PCDH11X: variants seen among roughly 807,000 people sequenced by gnomAD.
The protein encoded by PCDH11X is protocadherin-11 X-linked.
A neutral mutation model predicts 53.3 loss-of-function variants in PCDH11X; 18 were observed. The observed-to-expected ratio is 0.34, with a 90% confidence interval of 0.23 to 0.50. The LOEUF is 0.50. PCDH11X is among the 20% of genes least tolerant of loss of function. PCDH11X has a pLI of 0.98. For synonymous variants in PCDH11X, 279 were observed against 393.3 expected, an observed-to-expected ratio of 0.71 and a Z score of 3.44; for missense variants, 570 against 1,032.4, an observed-to-expected ratio of 0.55 and a Z score of 6.14.
chrX:92,308,099 A>G (rs2148478023), intron 8 of PCDH11X, among the ~76,000 whole-genome samples: 1 of 103,934 alleles, frequency 9.6e-6, no homozygotes, highest in African/African-American at 3.5e-5. Context: ...CTACATATTC[A>G]GTGCAACCCC....
At chrX:91,869,620 G>A in intron 5 of PCDH11X, among the ~76,000 whole-genome samples, 1 of 111,109 alleles carries the variant, frequency 9.0e-6, no homozygotes, top group Admixed American at 9.6e-5. Context: ...GAGCTGATTA[G>A]CAACAATTAG....
intron 8 of PCDH11X, among the ~76,000 whole-genome samples, chrX:92,352,090 T>G (rs1474010692): frequency 1.8e-5 from 2 of 111,733 alleles, no homozygotes; most frequent in Non-Finnish European, 3.8e-5. Flanking sequence ...AACTTTCTAT[T>G]TTACAGAATA....
chrX:92,348,512 A>ATTT lies in PCDH11X; in HGVS notation c.3145-39221_3145-39220insTTT, dbSNP rs1434459311. Among the ~76,000 whole-genome samples the ATTT allele has an allele frequency of 3.9e-3, 79 of 20,212 alleles. 2 individuals are homozygous for ATTT. The highest frequency in any genetic ancestry group is 0.018 in the African/African-American group (64 of 3,479). The allele number at this position is 20,212 out of a possible 115,157, so 17.6% of individuals were successfully genotyped here. On this transcript the variant is annotated intron_variant, in intron 8 of 10. Transcript: ENST00000682573. Reference sequence around the variant, plus strand: ...AGAGAAATCAAACATCAAAATTATCATTATTATTATTATTATTATTATTAT... The same window carrying ATTT: ...AGAGAAATCAAACATCAAAATTATCATTTTTATTATTATTATTATTATTATTAT...
At chrX:91,889,509 C>T (rs945744292) in intron 6 of PCDH11X, among the ~76,000 whole-genome samples, 8 of 111,745 alleles carry the variant, frequency 7.2e-5, no homozygotes, top group Admixed American at 2.9e-4. Flanking sequence ...AACGGGGTTT[C>T]GCCATGCTGA....
At chrX:92,302,652 C>G (rs1035441772) in intron 8 of PCDH11X, among the ~76,000 whole-genome samples, 19 of 109,702 alleles carry the variant, frequency 1.7e-4, no homozygotes, top group African/African-American at 6.3e-4. Context: ...TTGTATGTCA[C>G]ACTGGGAAAT....
intron 6 of PCDH11X, among the ~76,000 whole-genome samples, chrX:92,062,766 A>C (rs1204776406): frequency 1.8e-5 from 2 of 111,533 alleles, no homozygotes; most frequent in African/African-American, 6.5e-5. Flanking sequence ...AATTAGTTCA[A>C]CCGTTGTGGA....
chrX:92,280,412 G>T (rs1026141448), intron 8 of PCDH11X, among the ~76,000 whole-genome samples: 2 of 109,830 alleles, frequency 1.8e-5, no homozygotes, highest in Non-Finnish European at 3.8e-5. Flanking sequence ...GCTGGGCGTG[G>T]TGGTGCGCAT....
chrX:91,991,132 C>T (rs929199227), intron 6 of PCDH11X, among the ~76,000 whole-genome samples: 1 of 107,182 alleles, frequency 9.3e-6, no homozygotes, highest in African/African-American at 3.4e-5. Flanking sequence ...TCTCTGATAT[C>T]AACCTGAAGC....
At chrX:92,113,167 T>A in intron 6 of PCDH11X, 1 of 1,045,262 alleles carries the variant, frequency 9.6e-7, no homozygotes, top group Non-Finnish European at 1.3e-6. Flanking sequence ...CTTGGCTCCC[T>A]TCCTTCCCCT....
At chrX:91,874,365 C>T (rs1337697565) in intron 5 of PCDH11X, among the ~76,000 whole-genome samples, 6 of 110,029 alleles carry the variant, frequency 5.5e-5, no homozygotes, top group East Asian at 5.7e-4. Context: ...AATATAAATA[C>T]GTATAACATG....
chrX:92,259,259 G>A (rs1296718618), intron 7 of PCDH11X, among the ~76,000 whole-genome samples: 1 of 111,043 alleles, frequency 9.0e-6, no homozygotes, highest in Non-Finnish European at 1.9e-5. Flanking sequence ...TTTTCTGCGT[G>A]AGTCCATTCT....
chrX:92,064,134 T>G, intron 6 of PCDH11X, among the ~76,000 whole-genome samples: 1 of 92,890 alleles, frequency 1.1e-5, no homozygotes, highest in African/African-American at 4.0e-5. Context: ...GTGTAGGTGG[T>G]GTGGTGGGGG....
intron 9 of PCDH11X, among the ~76,000 whole-genome samples, chrX:92,431,461 TACTCAC>T (rs1429156148): frequency 9.0e-6 from 1 of 110,665 alleles, no homozygotes; most frequent in African/African-American, 3.3e-5. Context: ...TTGACAAGTT[TACTCAC>T]ACGTATAAGG....
intron 6 of PCDH11X, among the ~76,000 whole-genome samples, chrX:92,086,973 C>A (rs1260807263): frequency 9.1e-6 from 1 of 110,108 alleles, no homozygotes; most frequent in African/African-American, 3.3e-5. Context: ...ATGGAGGAAG[C>A]ATCACCAGAC....
chrX:91,973,605 A>G (rs2062003832), intron 6 of PCDH11X, among the ~76,000 whole-genome samples: 2 of 100,787 alleles, frequency 2.0e-5, no homozygotes, highest in Middle Eastern at 5.2e-3. Context: ...CACCATAAGT[A>G]TATACAACTT....
At chrX:92,106,598 T>C (rs1302640821) in intron 6 of PCDH11X, among the ~76,000 whole-genome samples, 1 of 111,938 alleles carries the variant, frequency 8.9e-6, no homozygotes, top group East Asian at 2.8e-4. Flanking sequence ...CTCAAATACC[T>C]GTTGATTAAA....
intron 9 of PCDH11X, among the ~76,000 whole-genome samples, chrX:92,394,077 G>T (rs2071192460): frequency 9.0e-6 from 1 of 110,663 alleles, no homozygotes; most frequent in Admixed American, 9.7e-5. Context: ...TAGACCAATT[G>T]AAAAATGACT....
chrX:92,072,477 A>G (rs1456337658), intron 6 of PCDH11X, among the ~76,000 whole-genome samples: 1 of 111,439 alleles, frequency 9.0e-6, no homozygotes, highest in Non-Finnish European at 1.9e-5. Context: ...CTGGTTATTC[A>G]GAGCCCAAGG....
intron 6 of PCDH11X, among the ~76,000 whole-genome samples, chrX:92,134,896 T>C (rs1048495596): frequency 6.4e-5 from 7 of 110,216 alleles, no homozygotes; most frequent in African/African-American, 2.3e-4. Flanking sequence ...GCAAGGTCTT[T>C]ATGACCTGTA....
Sources: allele counts gnomAD v4.1 joint callset (sites outside exome capture counted in the v4.1 genomes callset), GRCh38; gene constraint gnomAD v4.1.1; transcripts MANE v1.5; gene names NCBI Gene and HGNC (gene_info 2026-07-23, HGNC 2026-07-21).